Variants in RBMS3 observed in about 807,000 individuals in gnomAD.
RBMS3 encodes RNA-binding motif, single-stranded-interacting protein 3.
RBMS3 carries 27 observed loss-of-function variants against 66.8 expected under a neutral mutation model. The observed-to-expected ratio is 0.40, with a 90% CI of 0.30 to 0.56. The LOEUF (loss-of-function observed/expected upper bound fraction) is 0.56, where lower values mean the gene tolerates loss of function less well. RBMS3 is among the 20% of genes least tolerant of loss of function. RBMS3 has a pLI of 0.40. For missense variants in RBMS3, 513 were observed against 549.5 expected (o/e 0.93, Z 0.66); for synonymous variants, 188 against 183.0 (o/e 1.03, Z -0.22).
chr3:29,814,931 T>C (rs940024957), intron 6 of RBMS3, among the ~76,000 whole-genome samples: 8 of 152,264 alleles, frequency 5.3e-5, no homozygotes, highest in Non-Finnish European at 1.2e-4. Flanking sequence ...CCTTGCCATA[T>C]ATAAAGTTAC....
In RBMS3 at chr3:29,691,364, A is replaced by C. The variant is rs138675027; in HGVS notation, c.400-48356A>C. 1.5e-3 allele frequency among the ~76,000 whole-genome samples: 233 copies of C among 152,312 alleles called. 2 individuals carry two copies. Among genetic ancestry groups the C allele is most frequent in the African/African-American group, 5.3e-3 (221 of 41,570 alleles). On this transcript the variant is annotated intron_variant, in intron 4 of 14. Coordinates refer to ENST00000383767, the MANE Select transcript of RBMS3 (RefSeq NM_001003793.3). ...AATACTTACCCTTGACCTGAGGAAT[A>C]ACTTTCCTTCATGGTAAGATTGACC...
chr3:29,856,254 A>G (rs981572796), intron 6 of RBMS3, among the ~76,000 whole-genome samples: 3 of 152,212 alleles, frequency 2.0e-5, no homozygotes, highest in African/African-American at 7.2e-5. Flanking sequence ...GAATGTATTA[A>G]AAATTAATTA....
chr3:29,939,309 G>A (rs2061337942), intron 11 of RBMS3, among the ~76,000 whole-genome samples: 1 of 151,864 alleles, frequency 6.6e-6, no homozygotes, highest in Non-Finnish European at 1.5e-5. Flanking sequence ...AAACATATAT[G>A]ACATTGGAGA....
intron 1 of RBMS3, among the ~76,000 whole-genome samples, chr3:29,342,488 A>G (rs1196478519): frequency 6.6e-6 from 1 of 152,174 alleles, no homozygotes; most frequent in Non-Finnish European, 1.5e-5. Flanking sequence ...AAGGTATTGA[A>G]AGTTTAGAAT....
chr3:29,397,197 GACATGGCAGATT>G (rs2039591494), intron 1 of RBMS3, among the ~76,000 whole-genome samples: 1 of 152,132 alleles, frequency 6.6e-6, no homozygotes, highest in African/African-American at 2.4e-5. Context: ...TTTCCAGGAT[GACATGGCAGATT>G]AGGAGTTTGT....
chr3:29,330,040 A>G (rs79719874), intron 1 of RBMS3, among the ~76,000 whole-genome samples: 3,425 of 152,066 alleles, frequency 0.023, 115 homozygotes, highest in African/African-American at 0.073. Context: ...TGTGAAATAT[A>G]CATCTTACTC....
chr3:29,375,323 A>C (rs982794885), intron 1 of RBMS3, among the ~76,000 whole-genome samples: 3 of 152,190 alleles, frequency 2.0e-5, no homozygotes, highest in African/African-American at 7.2e-5. Flanking sequence ...TGAAGACACC[A>C]AAAGCAATTG....
chr3:29,753,061 AC>A (rs1247761362), intron 5 of RBMS3, among the ~76,000 whole-genome samples: 1 of 152,220 alleles, frequency 6.6e-6, no homozygotes, highest in Non-Finnish European at 1.5e-5. Flanking sequence ...CAAAATAGCC[AC>A]CTAAATGCCA....
At chr3:29,685,890 C>T (rs1200444195) in intron 4 of RBMS3, among the ~76,000 whole-genome samples, 1 of 152,226 alleles carries the variant, frequency 6.6e-6, no homozygotes, top group Non-Finnish European at 1.5e-5. Flanking sequence ...ACCACCATCA[C>T]TGTGCCTGGC....
chr3:29,401,038 C>T (rs1430924089), intron 1 of RBMS3, among the ~76,000 whole-genome samples: 1 of 151,954 alleles, frequency 6.6e-6, no homozygotes, highest in African/African-American at 2.4e-5. Context: ...ATTAGTGAAG[C>T]AGTGCAAATA....
At chr3:29,617,033 G>A (rs937334419) in intron 4 of RBMS3, 7 of 152,124 alleles carry the variant, frequency 4.6e-5, no homozygotes, top group African/African-American at 1.4e-4. Context: ...TGCATAAAGG[G>A]GACATCACTA....
intron 2 of RBMS3, among the ~76,000 whole-genome samples, chr3:29,436,341 A>C (rs1368400265): frequency 6.6e-6 from 1 of 152,214 alleles, no homozygotes. Flanking sequence ...CAGTAGGTAC[A>C]TTAGGGTTGG....
intron 12 of RBMS3, among the ~76,000 whole-genome samples, chr3:29,975,455 T>C (rs1220652629): frequency 2.0e-5 from 3 of 151,882 alleles, no homozygotes; most frequent in African/African-American, 2.4e-5. Context: ...CCAGTCTGGT[T>C]GGAGTAGGGT....
chr3:29,573,508 C>A (rs1201685853), intron 3 of RBMS3, among the ~76,000 whole-genome samples: 1 of 151,866 alleles, frequency 6.6e-6, no homozygotes, highest in Non-Finnish European at 1.5e-5. Context: ...TTTTGTTTAT[C>A]TTTTCAAAAA....
chr3:29,786,506 A>C (rs2056825108), intron 6 of RBMS3, among the ~76,000 whole-genome samples: 1 of 152,190 alleles, frequency 6.6e-6, no homozygotes. Flanking sequence ...CGCATAGACC[A>C]ATGGAACAGA....
chr3:29,323,726 A>ACCCC (rs545150023), intron 1 of RBMS3, among the ~76,000 whole-genome samples: 2,450 of 140,656 alleles, frequency 0.017, 24 homozygotes, highest in Non-Finnish European at 0.025. Context: ...ACACACACAC[A>ACCCC]CCCCTTGGAC....
intron 4 of RBMS3, among the ~76,000 whole-genome samples, chr3:29,691,947 C>CTCTCTTTTTTT (rs1218393454): frequency 5.6e-5 from 3 of 53,548 alleles, no homozygotes; most frequent in Admixed American, 1.9e-4. Context: ...CTCTCTCTCT[C>CTCTCTTTTTTT]TATTTTTTTT....
chr3:29,736,981 A>C (rs1431300236), intron 4 of RBMS3, among the ~76,000 whole-genome samples: 1 of 151,876 alleles, frequency 6.6e-6, no homozygotes, highest in Non-Finnish European at 1.5e-5. Context: ...GTAACAACAC[A>C]AAGTGTTTTT....
At chr3:29,287,783 T>G (rs2032484762) in intron 1 of RBMS3, among the ~76,000 whole-genome samples, 1 of 152,102 alleles carries the variant, frequency 6.6e-6, no homozygotes, top group Admixed American at 6.6e-5. Context: ...CATATGTGAT[T>G]GTTTTCAGGG....
Sources: gnomAD v4.1 joint callset for allele counts (sites outside exome capture counted in the v4.1 genomes callset) on GRCh38, gnomAD v4.1.1 for gene constraint, MANE v1.5 for transcripts, NCBI Gene and HGNC (gene_info 2026-07-23, HGNC 2026-07-21) for gene names.